RAI1: variants seen among roughly 807,000 people sequenced by gnomAD.
RAI1 encodes the protein retinoic acid induced 1, also known as retinoic acid-induced protein 1.
In RAI1, 9 loss-of-function variants were observed where a neutral mutation model predicts 123.8. The observed-to-expected ratio is 0.07, with a 90% CI of 0.04 to 0.13. The LOEUF (loss-of-function observed/expected upper bound fraction) is 0.13. RAI1 is among the 10% of genes least tolerant of loss of function. The pLI, the probability that RAI1 is intolerant of heterozygous loss-of-function variation, is 1.00. For synonymous variants in RAI1, 1,231 were observed against 1,127.3 expected, an observed-to-expected ratio of 1.09 and a Z score of -1.84; for missense variants, 2,256 against 2,545.8, an observed-to-expected ratio of 0.89 and a Z score of 2.45.
intron 3 of RAI1, 27 bp from the exon 4 acceptor site, chr17:17,803,729 C>G (rs2032535677): frequency 6.2e-7 from 1 of 1,601,596 alleles, no homozygotes. Flanking sequence ...ACTGGAGACT[C>G]ACCTGCCTTT....
chr17:17,703,025 T>A (rs1486126662), intron 1 of RAI1, among the ~76,000 whole-genome samples: 1 of 152,254 alleles, frequency 6.6e-6, no homozygotes, highest in African/African-American at 2.4e-5. Flanking sequence ...CACTGTACTT[T>A]ACGTGTAGTA....
chr17:17,689,372 A>G (rs1000677946), intron 1 of RAI1, among the ~76,000 whole-genome samples: 1 of 152,182 alleles, frequency 6.6e-6, no homozygotes, highest in Non-Finnish European at 1.5e-5. Flanking sequence ...GTCAAGGCAG[A>G]TGGATTGAGT....
rs1403195086 is a variant in RAI1, at chr17:17,793,223, A to G, written c.275A>G (p.Gln92Arg). The change falls in exon 3 of 6, where the codon CAG (glutamine) becomes CGG (arginine). Residue 92 changes from glutamine to arginine, a missense_variant. Around this residue, in one of 7 missense-constraint regions of RAI1, gnomAD observed 336 missense variants for 349.8 expected, o/e 0.96. Coordinates refer to ENST00000353383, the MANE Select transcript of RAI1 (RefSeq NM_030665.4). ...SKALPTQQGL[Q>R]GRPAFPGYGV... ...GCCCTGCCCACACAGCAAGGCCTGC[A>G]GGGGAGGCCGGCTTTCCCTGGCTAC... The G allele has an allele frequency of 1.2e-6, 2 of 1,611,818 alleles. No individual in the cohort carries two copies. The highest frequency in any genetic ancestry group is 1.7e-6 in the Non-Finnish European group (2 of 1,179,372).
chr17:17,701,962 A>G (rs867881648), intron 1 of RAI1, among the ~76,000 whole-genome samples: 2 of 152,376 alleles, frequency 1.3e-5, no homozygotes, highest in South Asian at 2.1e-4. Flanking sequence ...AGCGCTCGAA[A>G]GGAATACTTG....
intron 3 of RAI1, among the ~76,000 whole-genome samples, chr17:17,802,717 A>G (rs1167465890): frequency 6.6e-6 from 1 of 151,408 alleles, no homozygotes; most frequent in Non-Finnish European, 1.5e-5. Flanking sequence ...CGGAGCTTGC[A>G]GTGAGCCAAG....
At position 17,793,897 on chromosome 17, in the gene RAI1, C is replaced by G; in HGVS notation, c.949C>G (p.Gln317Glu). 1 of 1,613,886 alleles carries G rather than the reference C, an allele frequency of 6.2e-7. No homozygotes were observed. Among genetic ancestry groups the G allele is most frequent in the Non-Finnish European group, 8.5e-7 (1 of 1,180,026 alleles). Reference sequence around the variant, plus strand: ...CGCCAAGTATCAGCACTACGGGCAGCAAGGCCAGGGCTACTGCCAGCCGGA... The same window carrying G: ...CGCCAAGTATCAGCACTACGGGCAGGAAGGCCAGGGCTACTGCCAGCCGGA... ...NLAKYQHYGQ[Q>E]GQGYCQPDAA... is the part of the protein sequence containing the mutation. Residue 317 changes from glutamine to glutamate, a missense_variant, in exon 3 of 6, where the codon CAA (glutamine) becomes GAA (glutamate). By Grantham distance (29) the Gln-to-Glu change is conservative. Transcript: ENST00000353383.
chr17:17,734,612 C>T (rs1336926477), intron 2 of RAI1, among the ~76,000 whole-genome samples: 2 of 152,178 alleles, frequency 1.3e-5, no homozygotes, highest in Non-Finnish European at 2.9e-5. Flanking sequence ...TCCCTCCCAC[C>T]CACCTGAAGG....
At chr17:17,728,965 C>T (rs1262087219) in intron 2 of RAI1, among the ~76,000 whole-genome samples, 1 of 152,188 alleles carries the variant, frequency 6.6e-6, no homozygotes, top group Non-Finnish European at 1.5e-5. Context: ...TGAGGTGGTT[C>T]CTTGCTGAGG....
Position 17,796,537 on chromosome 17 carries a change from G to A in RAI1, c.3589G>A (p.Gly1197Ser), listed in dbSNP as rs200719553. Residue 1197 changes from glycine to serine, a missense_variant, in exon 3 of 6, where the codon GGC becomes AGC. Gly to Ser is a moderately conservative substitution (Grantham distance 56). Coordinates refer to ENST00000353383, the MANE Select transcript of RAI1 (RefSeq NM_030665.4). This position sits in a 1 kb window ranked among gnomAD's most constrained non-coding sequence, Gnocchi z 5.8. ...FKVSSSPQKE[G>S]RVSQRARVPK... ...GGTCTCCAGCAGCCCCCAGAAGGAG[G>A]GCAGGGTGAGCCAGCGGGCAAGGGT... The A allele has an allele frequency of 6.2e-7, 1 of 1,611,100 alleles. No homozygotes were observed. The highest frequency in any genetic ancestry group is 8.5e-7 in the Non-Finnish European group (1 of 1,179,946).
intron 2 of RAI1, among the ~76,000 whole-genome samples, chr17:17,768,146 G>T (rs1310934509): frequency 1.3e-5 from 2 of 152,174 alleles, no homozygotes; most frequent in African/African-American, 2.4e-5. Context: ...TGACCTTCTT[G>T]CAGCATTCAG....
At chr17:17,767,781 G>C (rs547314126) in intron 2 of RAI1, among the ~76,000 whole-genome samples, 1 of 152,338 alleles carries the variant, frequency 6.6e-6, no homozygotes, top group Admixed American at 6.5e-5. Context: ...TGTTTTCCTT[G>C]CAATGGTGGC....
chr17:17,698,241 C>G (rs1268055388), intron 1 of RAI1, among the ~76,000 whole-genome samples: 1 of 152,234 alleles, frequency 6.6e-6, no homozygotes, highest in Non-Finnish European at 1.5e-5. Flanking sequence ...TGTGGCTGCT[C>G]TCACACACGG....
intron 2 of RAI1, among the ~76,000 whole-genome samples, chr17:17,791,644 G>A (rs1163188689): frequency 2.6e-5 from 4 of 152,328 alleles, no homozygotes; most frequent in African/African-American, 4.8e-5. Flanking sequence ...TCCTGCCTCC[G>A]GGCCAGCATG....
chr17:17,700,685 G>T (rs1158058532), intron 1 of RAI1, among the ~76,000 whole-genome samples: 1 of 152,056 alleles, frequency 6.6e-6, no homozygotes, highest in Admixed American at 6.5e-5. Context: ...GCCGGGCCTC[G>T]TCCGCCGAGG....
At chr17:17,804,842 T>A (rs564279244) in intron 4 of RAI1, among the ~76,000 whole-genome samples, 6 of 126,736 alleles carry the variant, frequency 4.7e-5, no homozygotes, top group African/African-American at 2.6e-4. Context: ...GTTTTTATTT[T>A]TATTTATTTA....
At chr17:17,735,116 G>C (rs1916386963) in intron 2 of RAI1, among the ~76,000 whole-genome samples, 1 of 151,838 alleles carries the variant, frequency 6.6e-6, no homozygotes, top group Admixed American at 6.6e-5. Context: ...GCAATGGCAT[G>C]ATCTCAGCTC....
chr17:17,687,664 G>A (rs905114835), intron 1 of RAI1, among the ~76,000 whole-genome samples: 4 of 152,106 alleles, frequency 2.6e-5, no homozygotes, highest in African/African-American at 9.7e-5. Context: ...AGCATCCCTC[G>A]GGCAAGTCAC....
intron 2 of RAI1, among the ~76,000 whole-genome samples, chr17:17,767,449 A>C (rs1375394110): frequency 2.0e-5 from 3 of 152,132 alleles, no homozygotes; most frequent in Non-Finnish European, 4.4e-5. Context: ...AAAGAAGAAA[A>C]TGAAGTCAGC....
In RAI1 at chr17:17,809,446, G is replaced by GACC; in HGVS notation, c.5709+10_5709+12dup. 1 of 1,593,890 alleles carries GACC rather than the reference G, an allele frequency of 6.3e-7. No homozygotes were observed. The highest frequency in any genetic ancestry group is 2.2e-5 in the East Asian group (1 of 44,788). ...GAAATGTCCCAAACATAAGGTAGGG[G>GACC]ACCACAGTGTTTTGTAGGGCGAGGG... On this transcript the variant is annotated splice_region_variant and intron_variant, in intron 5 of 5. Transcript: ENST00000353383. This position sits in a 1 kb window ranked among gnomAD's most constrained non-coding sequence, Gnocchi z 4.9.
Sources: allele counts gnomAD v4.1 joint callset (sites outside exome capture counted in the v4.1 genomes callset), GRCh38; gene constraint gnomAD v4.1.1; regional missense constraint gnomAD v4.1.1; non-coding constraint Gnocchi (gnomAD v3.1); transcripts MANE v1.5; gene names NCBI Gene and HGNC (gene_info 2026-07-23, HGNC 2026-07-21).